Variants in CACNA1E observed in about 807,000 individuals in gnomAD.
CACNA1E encodes the protein voltage-dependent R-type calcium channel subunit alpha-1E.
CACNA1E carries 40 observed loss-of-function variants against 259.2 expected under a neutral mutation model. The ratio of observed to expected loss-of-function variants is 0.15; its 90% CI spans 0.12 to 0.20. The LOEUF is 0.20. Ranked by LOEUF, CACNA1E falls within the 10% of genes least tolerant of loss-of-function variation. The pLI, the probability that CACNA1E is intolerant of heterozygous loss-of-function variation, is 1.00. For synonymous variants in CACNA1E, 1,104 were observed against 1,138.5 expected (o/e 0.97, Z 0.61); for missense variants, 1,874 against 3,040.1 (o/e 0.62, Z 9.02).
At chr1:181,420,687 C>A (rs1162640014) in intron 2 of CACNA1E, among the ~76,000 whole-genome samples, 1 of 152,086 alleles carries the variant, frequency 6.6e-6, no homozygotes, top group Non-Finnish European at 1.5e-5. Flanking sequence ...ATTATTTATT[C>A]TAATGGAAAT....
intron 7 of CACNA1E, among the ~76,000 whole-genome samples, chr1:181,693,661 G>A (rs1185292355): frequency 6.6e-6 from 1 of 152,072 alleles, no homozygotes; most frequent in Non-Finnish European, 1.5e-5. Context: ...ACTGGAGGTG[G>A]TAGAGGGTTG....
chr1:181,624,874 C>T (rs921596501), intron 6 of CACNA1E, among the ~76,000 whole-genome samples: 3 of 152,080 alleles, frequency 2.0e-5, no homozygotes, highest in Admixed American at 6.6e-5. Flanking sequence ...CAGCTATAGC[C>T]TTATGAAGTA....
chr1:181,674,142 G>T (rs766369821), intron 7 of CACNA1E, among the ~76,000 whole-genome samples: 2 of 151,344 alleles, frequency 1.3e-5, no homozygotes, highest in Admixed American at 1.3e-4. Context: ...CACCTTGAGA[G>T]GCCAAGGCGG....
chr1:181,383,464 G>A (rs16857194), intron 1 of CACNA1E, among the ~76,000 whole-genome samples: 3,103 of 152,284 alleles, frequency 0.02, 116 homozygotes, highest in African/African-American at 0.069. Context: ...AGTAGTAAAC[G>A]GAGCAGTTGG....
At chr1:181,497,918 T>C (rs149544764) in intron 1 of CACNA1E, among the ~76,000 whole-genome samples, 35 of 152,312 alleles carry the variant, frequency 2.3e-4, no homozygotes, top group African/African-American at 8.4e-4. Flanking sequence ...CTGGCCTGGG[T>C]CACTGGAATG....
At chr1:181,403,647 C>T (rs1438227295) in intron 1 of CACNA1E, among the ~76,000 whole-genome samples, 1 of 152,070 alleles carries the variant, frequency 6.6e-6, no homozygotes. Context: ...AATTAAATGG[C>T]TTTGTAGAAT....
chr1:181,671,785 C>A (rs4652671), intron 7 of CACNA1E, among the ~76,000 whole-genome samples: 18,856 of 152,218 alleles, frequency 0.12, 1,231 homozygotes, highest in South Asian at 0.24. Context: ...GCATAATTAA[C>A]TTGTGTGGAA....
intron 46 of CACNA1E, among the ~76,000 whole-genome samples, chr1:181,795,770 A>ATATATATATAT (rs1661748026): frequency 7.3e-6 from 1 of 136,244 alleles, no homozygotes; most frequent in African/African-American, 2.8e-5. Flanking sequence ...TGCTTTAAAT[A>ATATATATATAT]TATATATATA....
At chr1:181,727,969 C>T (rs189302596) in intron 18 of CACNA1E, among the ~76,000 whole-genome samples, 18 of 152,212 alleles carry the variant, frequency 1.2e-4, no homozygotes, top group Admixed American at 2.6e-4. Context: ...CTTTGCCTTT[C>T]GTAACAAATG....
intron 6 of CACNA1E, among the ~76,000 whole-genome samples, chr1:181,597,199 C>T (rs897224281): frequency 6.6e-6 from 1 of 152,202 alleles, no homozygotes; most frequent in African/African-American, 2.4e-5. Context: ...CACCCTGGCA[C>T]TCAGAGGAGT....
At chr1:181,742,076 G>A (rs1336004956) in intron 25 of CACNA1E, among the ~76,000 whole-genome samples, 1 of 152,180 alleles carries the variant, frequency 6.6e-6, no homozygotes, top group Non-Finnish European at 1.5e-5. Context: ...TCATGGAGCA[G>A]GTTCCCACTC....
At chr1:181,593,118 A>G (rs928694954) in intron 6 of CACNA1E, among the ~76,000 whole-genome samples, 2 of 152,232 alleles carry the variant, frequency 1.3e-5, no homozygotes, top group Admixed American at 1.3e-4. Context: ...TAGCAATTAC[A>G]TGAGAAAAAG....
chr1:181,342,189 C>T (rs754969039), intron 1 of CACNA1E, among the ~76,000 whole-genome samples: 13 of 152,110 alleles, frequency 8.5e-5, no homozygotes, highest in South Asian at 2.1e-4. Context: ...TTGACGCAGG[C>T]GTGGCATGTT....
In CACNA1E at chr1:181,639,575, T is replaced by G. The variant is rs192662746; in HGVS notation, c.952-11763T>G. On this transcript the variant is annotated intron_variant, in intron 6 of 47. Transcript: ENST00000367573. ...TTCCGACAGCTTACGTGCATTCTTG[T>G]GTTGCTCTCCCATCTTCACTGCTCT... Among the ~76,000 whole-genome samples, 77 of 152,354 alleles carry G rather than the reference T, an allele frequency of 5.1e-4. 1 individual carries two copies. Among genetic ancestry groups the G allele is most frequent in the African/African-American group, 1.8e-3 (76 of 41,582 alleles).
At chr1:181,727,644 G>A (rs1326292488) in intron 18 of CACNA1E, among the ~76,000 whole-genome samples, 1 of 152,180 alleles carries the variant, frequency 6.6e-6, no homozygotes, top group African/African-American at 2.4e-5. Context: ...GTGACACAGA[G>A]GGGTGTTGGA....
At chr1:181,624,337 G>A (rs1483552265) in intron 6 of CACNA1E, among the ~76,000 whole-genome samples, 1 of 152,202 alleles carries the variant, frequency 6.6e-6, no homozygotes, top group African/African-American at 2.4e-5. Context: ...GCTTGCTGCA[G>A]CCATTGACTC....
intron 7 of CACNA1E, among the ~76,000 whole-genome samples, chr1:181,674,394 CAAAAAAAAAA>C (rs10711497): frequency 2.3e-5 from 1 of 43,566 alleles, no homozygotes; most frequent in Non-Finnish European, 4.2e-5. Context: ...GACTCCATCT[CAAAAAAAAAA>C]AAAAAAAAAA....
intron 7 of CACNA1E, among the ~76,000 whole-genome samples, chr1:181,673,774 C>A (rs1188381046): frequency 6.6e-6 from 1 of 152,060 alleles, no homozygotes; most frequent in Non-Finnish European, 1.5e-5. Flanking sequence ...AACACAGTTT[C>A]CTCCTCCCAA....
At chr1:181,318,822 A>T (rs1650121943) in intron 1 of CACNA1E, among the ~76,000 whole-genome samples, 1 of 152,106 alleles carries the variant, frequency 6.6e-6, no homozygotes, top group Non-Finnish European at 1.5e-5. Flanking sequence ...AGGACTGGGA[A>T]TTGGGGCTCG....
Sources: allele counts gnomAD v4.1 joint callset (sites outside exome capture counted in the v4.1 genomes callset), GRCh38; gene constraint gnomAD v4.1.1; transcripts MANE v1.5; gene names NCBI Gene and HGNC (gene_info 2026-07-23, HGNC 2026-07-21).